Variants in FLRT2 observed in about 807,000 individuals in gnomAD.
FLRT2 encodes the protein fibronectin leucine rich transmembrane protein 2.
FLRT2 carries 15 observed loss-of-function variants against 40.0 expected under a neutral mutation model. The observed-to-expected ratio is 0.38, with a 90% confidence interval of 0.25 to 0.58. The LOEUF (loss-of-function observed/expected upper bound fraction) is 0.58, where lower values mean the gene tolerates loss of function less well. Among genes scored for constraint, FLRT2 ranks in the 20% least tolerant of loss-of-function variants. FLRT2 has a pLI of 0.71. For synonymous variants in FLRT2, 380 were observed against 336.8 expected (o/e 1.13, Z -1.41); for missense variants, 726 against 840.0 (o/e 0.86, Z 1.68).
intron 1 of FLRT2, among the ~76,000 whole-genome samples, chr14:85,606,186 G>A (rs1405659790): frequency 2.6e-5 from 4 of 152,176 alleles, no homozygotes; most frequent in Admixed American, 1.3e-4. Flanking sequence ...TGAGCGCACA[G>A]CTCAATGGTT....
chr14:85,544,815 G>A (rs1889186711), intron 1 of FLRT2, among the ~76,000 whole-genome samples: 1 of 152,170 alleles, frequency 6.6e-6, no homozygotes, highest in African/African-American at 2.4e-5. Context: ...GCCATTTGAT[G>A]GACAAAGTTG....
intron 1 of FLRT2, among the ~76,000 whole-genome samples, chr14:85,539,362 T>C (rs1258812318): frequency 2.2e-5 from 2 of 90,774 alleles, no homozygotes; most frequent in Admixed American, 1.4e-4. Flanking sequence ...GAGAGTTGTT[T>C]GTTTTCGTTG....
chr14:85,639,740 A>G lies in FLRT2; in HGVS notation c.*16243A>G, dbSNP rs1349425940. ...AAGGACTGGCTAAGCTCTTACAATA[A>G]GTGATGGAATGAGCTTTGAAAACAC... On this transcript the variant is annotated 3_prime_UTR_variant, in exon 2 of 2. Coordinates refer to ENST00000330753, the MANE Select transcript of FLRT2 (RefSeq NM_013231.6). The G allele has an allele frequency of 6.6e-6, 1 of 152,122 alleles. No individual in the cohort carries two copies. Among genetic ancestry groups the G allele is most frequent in the Non-Finnish European group, 1.5e-5 (1 of 68,014 alleles). The allele number at this position is 152,122 out of a possible 1,614,324, so 9.4% of individuals were successfully genotyped here. A position where few individuals can be genotyped will look rare whatever the true frequency, so the allele number is the denominator to read the frequency against.
intron 1 of FLRT2, among the ~76,000 whole-genome samples, chr14:85,586,236 G>C (rs1374138107): frequency 4.0e-5 from 6 of 151,530 alleles, no homozygotes; most frequent in African/African-American, 1.4e-4. Context: ...TTACAGAAGA[G>C]GAAAAGAAGC....
rs754803149 is a variant in FLRT2 at position 85,623,115 on chromosome 14, C to A, written c.1601C>A (p.Ser534Tyr). 1.3e-5 allele frequency: 21 copies of A among 1,611,250 alleles called. No individual in the cohort carries two copies. The highest frequency in any genetic ancestry group is 1.8e-5 in the Non-Finnish European group (21 of 1,178,270). ...GCGTCCAGCCATGAGCAGACGACGT[C>A]CCACAGCATGGGCTCCCCCTTTCTG... Reference protein sequence around the residue: ...NTASSHEQTTSHSMGSPFLLA... With the variant: ...NTASSHEQTTYHSMGSPFLLA... The change falls in exon 2 of 2, where the codon TCC (serine) becomes TAC (tyrosine). Residue 534 changes from serine to tyrosine, a missense_variant. Physicochemically the swap from Ser to Tyr is moderately radical, Grantham distance 144 (BLOSUM62 -2). Transcript: ENST00000330753.
Position 85,642,366 on chromosome 14 carries a change from A to C in FLRT2, c.*18869A>C, listed in dbSNP as rs1422503728. 6.6e-6 allele frequency: 1 copy of C among 151,862 alleles called. No homozygotes were observed. The highest frequency in any genetic ancestry group is 1.9e-4 in the East Asian group (1 of 5,172). The allele number at this position is 151,862 out of a possible 1,614,324, so 9.4% of individuals were successfully genotyped here. On this transcript the variant is annotated 3_prime_UTR_variant, in exon 2 of 2. Coordinates refer to ENST00000330753, the MANE Select transcript of FLRT2 (RefSeq NM_013231.6). ...CCGATGAGCCTTCTTTGCCAGTAGA[A>C]CTCCTTCATCTCTGTTATATAAGGT... is the stretch of plus-strand genomic sequence containing the variant.
chr14:85,551,181 T>G (rs951502514), intron 1 of FLRT2, among the ~76,000 whole-genome samples: 1 of 152,212 alleles, frequency 6.6e-6, no homozygotes, highest in Non-Finnish European at 1.5e-5. Flanking sequence ...TTACCAGAAC[T>G]CCTAAAGAGA....
At chr14:85,597,029 T>C (rs940279348) in intron 1 of FLRT2, among the ~76,000 whole-genome samples, 3 of 152,138 alleles carry the variant, frequency 2.0e-5, no homozygotes, top group African/African-American at 7.2e-5. Flanking sequence ...ATGAAAAAAA[T>C]AGAGAGGAAC....
At chr14:85,561,929 T>G (rs545630741) in intron 1 of FLRT2, among the ~76,000 whole-genome samples, 3 of 152,344 alleles carry the variant, frequency 2.0e-5, no homozygotes, top group South Asian at 4.1e-4. Flanking sequence ...GCCCCTAAAA[T>G]TCCAGAGCTT....
At chr14:85,614,636 T>A (rs1893044019) in intron 1 of FLRT2, among the ~76,000 whole-genome samples, 1 of 152,108 alleles carries the variant, frequency 6.6e-6, no homozygotes, top group South Asian at 2.1e-4. Flanking sequence ...AAATTGCACC[T>A]GACCCACCTC....
intron 1 of FLRT2, among the ~76,000 whole-genome samples, chr14:85,539,913 T>G (rs1218271289): frequency 6.6e-6 from 1 of 152,196 alleles, no homozygotes; most frequent in Non-Finnish European, 1.5e-5. Context: ...CCCTGCATCA[T>G]TTCTTCCATT....
chr14:85,625,194 A>T lies in FLRT2; in HGVS notation c.*1697A>T, dbSNP rs1270919480. The T allele has an allele frequency of 6.0e-6, 1 of 167,044 alleles. No homozygotes were observed. Among genetic ancestry groups the T allele is most frequent in the African/African-American group, 2.4e-5 (1 of 41,466 alleles). The allele number at this position is 167,044 out of a possible 1,614,324, so 10.3% of individuals were successfully genotyped here. A position where few individuals can be genotyped will look rare whatever the true frequency, so the allele number is the denominator to read the frequency against. ...TATCAAAAACTACTCCCTTGGAAAA[A>T]ATATCTTTCGAAAATCAAATTTAAA... On this transcript the variant is annotated 3_prime_UTR_variant, in exon 2 of 2. Coordinates refer to ENST00000330753, the MANE Select transcript of FLRT2 (RefSeq NM_013231.6).
rs1894403076 is a variant in FLRT2, at chr14:85,650,261, A to C, written c.*26764A>C. The C allele has an allele frequency of 6.6e-6, 1 of 151,940 alleles. No individual in the cohort carries two copies. The highest frequency in any genetic ancestry group is 2.1e-4 in the South Asian group (1 of 4,824). 9.4% of individuals were successfully genotyped at this position (151,940 alleles called of 1,614,324 possible). On this transcript the variant is annotated 3_prime_UTR_variant, in exon 2 of 2. Coordinates refer to ENST00000330753, the MANE Select transcript of FLRT2 (RefSeq NM_013231.6). ...TTGTGTTCAATATCCTGTTGTCGAA[A>C]CATTTCCATGTTCCTTTAATTCATT...
At chr14:85,554,971 C>T (rs1889866497) in intron 1 of FLRT2, among the ~76,000 whole-genome samples, 2 of 152,160 alleles carry the variant, frequency 1.3e-5, no homozygotes, top group South Asian at 4.1e-4. Flanking sequence ...TCTATAACAT[C>T]ATCTAATAAT....
At chr14:85,612,210 G>T (rs1221453206) in intron 1 of FLRT2, among the ~76,000 whole-genome samples, 3 of 151,222 alleles carry the variant, frequency 2.0e-5, no homozygotes, top group Non-Finnish European at 4.4e-5. Context: ...TGAGCTTTTT[G>T]CCTTTGGGGT....
At chr14:85,585,538 A>G (rs1358791796) in intron 1 of FLRT2, among the ~76,000 whole-genome samples, 3 of 152,186 alleles carry the variant, frequency 2.0e-5, no homozygotes, top group African/African-American at 7.2e-5. Flanking sequence ...AAGTTAAAGG[A>G]TAAAATTACT....
At chr14:85,533,460 A>G (rs1178235276) in intron 1 of FLRT2, among the ~76,000 whole-genome samples, 2 of 151,916 alleles carry the variant, frequency 1.3e-5, no homozygotes, top group African/African-American at 2.4e-5. Flanking sequence ...AGCTGTCCGC[A>G]CACACGCGTC....
chr14:85,555,627 T>A (rs1889900066), intron 1 of FLRT2, among the ~76,000 whole-genome samples: 1 of 152,170 alleles, frequency 6.6e-6, no homozygotes, highest in Non-Finnish European at 1.5e-5. Flanking sequence ...CAAGATGAGG[T>A]TTGGGTGGGC....
At chr14:85,534,215 C>T (rs1316519711) in intron 1 of FLRT2, among the ~76,000 whole-genome samples, 2 of 152,156 alleles carry the variant, frequency 1.3e-5, no homozygotes, top group Non-Finnish European at 2.9e-5. Context: ...ACCCTCAGCC[C>T]CAGCTGGTGC....
Sources: allele counts gnomAD v4.1 joint callset (sites outside exome capture counted in the v4.1 genomes callset), GRCh38; gene constraint gnomAD v4.1.1; transcripts MANE v1.5; gene names NCBI Gene and HGNC (gene_info 2026-07-23, HGNC 2026-07-21).